Variants in BICRAL observed in about 807,000 individuals in gnomAD.
BICRAL encodes the protein BICRA like chromatin remodeling complex associated protein.
A neutral mutation model predicts 91.8 loss-of-function variants in BICRAL; 8 were observed. That is an observed-to-expected ratio of 0.09 (90% CI 0.05 to 0.16). The LOEUF (loss-of-function observed/expected upper bound fraction) is 0.16. Ranked by LOEUF, BICRAL falls within the 10% of genes least tolerant of loss-of-function variation. The pLI, the probability that BICRAL is intolerant of heterozygous loss-of-function variation, is 1.00. For missense variants in BICRAL, 1,038 were observed against 1,310.9 expected (o/e 0.79, Z 3.21); for synonymous variants, 445 against 491.1 (o/e 0.91, Z 1.24).
intron 2 of BICRAL, among the ~76,000 whole-genome samples, chr6:42,818,685 A>G (rs1428784480): frequency 3.3e-5 from 5 of 151,746 alleles, no homozygotes; most frequent in East Asian, 1.9e-4. Flanking sequence ...GAGTTATTCT[A>G]TTACTTTAAG....
intron 1 of BICRAL, among the ~76,000 whole-genome samples, chr6:42,754,552 T>G (rs12202031): frequency 0.11 from 16,491 of 152,264 alleles, 994 homozygotes; most frequent in Admixed American, 0.16. Flanking sequence ...ATACTCTTAC[T>G]ATGTGCAGTG....
rs140608307 is a variant in BICRAL at position 42,865,092 on chromosome 6, G to C, written c.2886G>C (p.Ser962=). The change falls in exon 13 of 13, where the codon TCG becomes TCC. Residue 962 remains serine (S), a synonymous_variant. Transcript: ENST00000314073. ...AACTGTCAAGCATCCTAGCAGATTC[G>C]CACTTGGAGATGACGTGTAACAATT... ...ESKLSSILAD[S]HLEMTCNNSF... The C allele has an allele frequency of 6.2e-6, 10 of 1,614,104 alleles. No homozygotes were observed. The African/African-American group carries it at 1.1e-4, about 17-fold the overall frequency.
At chr6:42,840,879 G>C (rs1764775384) in intron 6 of BICRAL, among the ~76,000 whole-genome samples, 1 of 151,442 alleles carries the variant, frequency 6.6e-6, no homozygotes, top group South Asian at 2.1e-4. Flanking sequence ...TTCAAGACTA[G>C]CGTGGCTAAC....
intron 1 of BICRAL, among the ~76,000 whole-genome samples, chr6:42,753,171 T>C (rs535563257): frequency 6.6e-6 from 1 of 151,436 alleles, no homozygotes; most frequent in Admixed American, 6.6e-5. Flanking sequence ...AGGTGATCCA[T>C]CCACCTCACC....
chr6:42,754,690 G>C (rs1395453719), intron 1 of BICRAL, among the ~76,000 whole-genome samples: 7 of 152,194 alleles, frequency 4.6e-5, no homozygotes, highest in Non-Finnish European at 8.8e-5. Flanking sequence ...CTAAGAGTTT[G>C]AGACCAGCCT....
chr6:42,766,732 G>A (rs551875012), intron 1 of BICRAL, among the ~76,000 whole-genome samples: 3 of 152,088 alleles, frequency 2.0e-5, no homozygotes, highest in African/African-American at 4.8e-5. Context: ...CGAGCTACTC[G>A]GGAGTCTGAA....
chr6:42,829,613 C>A lies in BICRAL; in HGVS notation c.1280C>A (p.Thr427Asn). ...ACTATAAATGGGCAACTTCTTCAAA[C>A]TCAACCCTCTCAGCTCATTTCTGGC... ...VQTINGQLLQTQPSQLISGQV... is the reference protein window; with the variant it reads ...VQTINGQLLQNQPSQLISGQV... The change falls in exon 6 of 13, where the codon ACT becomes AAT. Residue 427 changes from threonine (T) to asparagine (N), a missense_variant. Around this residue, in one of 5 missense-constraint regions of BICRAL, gnomAD observed 532 missense variants for 724.9 expected, o/e 0.73. Coordinates refer to ENST00000314073, the MANE Select transcript of BICRAL (RefSeq NM_001393499.1). 6.2e-7 allele frequency: 1 copy of A among 1,614,210 alleles called. No homozygotes were observed. The highest frequency in any genetic ancestry group is 8.5e-7 in the Non-Finnish European group (1 of 1,180,014).
intron 6 of BICRAL, among the ~76,000 whole-genome samples, chr6:42,837,107 G>C (rs1464165218): frequency 6.6e-6 from 1 of 151,526 alleles, no homozygotes; most frequent in Non-Finnish European, 1.5e-5. Context: ...ACCATGCCTG[G>C]CTAATTTTTT....
intron 6 of BICRAL, among the ~76,000 whole-genome samples, chr6:42,839,761 A>G (rs1331782337): frequency 6.6e-6 from 1 of 152,148 alleles, no homozygotes; most frequent in African/African-American, 2.4e-5. Context: ...TGATGCTTAA[A>G]TTGTCCCAAA....
In BICRAL at chr6:42,865,075, A is replaced by G. The variant is rs1298046061; in HGVS notation, c.2869A>G (p.Ser957Gly). 6.2e-7 allele frequency: 1 copy of G among 1,614,204 alleles called. No homozygotes were observed. Among genetic ancestry groups the G allele is most frequent in the Admixed American group, 1.7e-5 (1 of 60,024 alleles). Reference sequence around the variant, plus strand: ...TCATGGTACTGAGAGCAAACTGTCAAGCATCCTAGCAGATTCGCACTTGGA... The same window carrying G: ...TCATGGTACTGAGAGCAAACTGTCAGGCATCCTAGCAGATTCGCACTTGGA... ...SDHGTESKLS[S>G]ILADSHLEMT... The change falls in exon 13 of 13, where the codon AGC becomes GGC. Residue 957 changes from serine (S) to glycine (G), a missense_variant. Physicochemically the swap from Ser to Gly is moderately conservative, Grantham distance 56. Coordinates refer to ENST00000314073, the MANE Select transcript of BICRAL (RefSeq NM_001393499.1).
intron 1 of BICRAL, among the ~76,000 whole-genome samples, chr6:42,806,295 G>A (rs1562470916): frequency 6.6e-6 from 1 of 152,164 alleles, no homozygotes; most frequent in Non-Finnish European, 1.5e-5. Context: ...GGGGCAACTA[G>A]TAACCCAGAT....
intron 1 of BICRAL, among the ~76,000 whole-genome samples, chr6:42,808,095 G>A (rs904894164): frequency 1.1e-4 from 16 of 147,200 alleles, no homozygotes; most frequent in African/African-American, 4.0e-4. Context: ...AGACAAATAT[G>A]ATGAGATTCC....
At chr6:42,793,032 G>A (rs1763317909) in intron 1 of BICRAL, among the ~76,000 whole-genome samples, 1 of 146,588 alleles carries the variant, frequency 6.8e-6, no homozygotes, top group Non-Finnish European at 1.5e-5. Context: ...TCAGCTCACT[G>A]CAAACTCCAC....
chr6:42,866,921 C>T lies in BICRAL; in HGVS notation c.*1475C>T. 2 of 455,386 alleles carry T rather than the reference C, an allele frequency of 4.4e-6. No homozygotes were observed. The highest frequency in any genetic ancestry group is 3.1e-5 in the South Asian group (2 of 64,500). 28.2% of individuals were successfully genotyped at this position (455,386 alleles called of 1,614,324 possible). Reference sequence around the variant, plus strand: ...AGTATTTTTATGCACTCTTCTCCCACACATACACACACGTGCATGTATCTG... The same window carrying T: ...AGTATTTTTATGCACTCTTCTCCCATACATACACACACGTGCATGTATCTG... On this transcript the variant is annotated 3_prime_UTR_variant, in exon 13 of 13. Transcript: ENST00000314073.
intron 1 of BICRAL, among the ~76,000 whole-genome samples, chr6:42,793,614 T>A (rs1763339680): frequency 1.3e-5 from 2 of 151,844 alleles, no homozygotes; most frequent in Non-Finnish European, 2.9e-5. Flanking sequence ...TATTTTCCAT[T>A]TGTATTGTGA....
chr6:42,834,309 ATGT>A, intron 6 of BICRAL, among the ~76,000 whole-genome samples: 1 of 152,160 alleles, frequency 6.6e-6, no homozygotes, highest in East Asian at 1.9e-4. Flanking sequence ...CTTGCATAAG[ATGT>A]TGTCCTTCAG....
intron 1 of BICRAL, among the ~76,000 whole-genome samples, chr6:42,783,964 A>G (rs984463755): frequency 1.3e-5 from 2 of 152,120 alleles, no homozygotes; most frequent in South Asian, 2.1e-4. Flanking sequence ...ACCAGGTTAC[A>G]AAACTAAAAA....
At chr6:42,805,391 G>T (rs932580041) in intron 1 of BICRAL, among the ~76,000 whole-genome samples, 2 of 152,034 alleles carry the variant, frequency 1.3e-5, no homozygotes. Flanking sequence ...AAAAGTCTTT[G>T]TTTTCCACTT....
At chr6:42,847,867 C>T (rs1274886998) in intron 6 of BICRAL, among the ~76,000 whole-genome samples, 1 of 152,026 alleles carries the variant, frequency 6.6e-6, no homozygotes. Flanking sequence ...CGGTGGCTCA[C>T]GCCTGTAATC....
Sources: gnomAD v4.1 joint callset for allele counts (sites outside exome capture counted in the v4.1 genomes callset) on GRCh38, gnomAD v4.1.1 for gene constraint, gnomAD v4.1.1 regional missense constraint, MANE v1.5 for transcripts, NCBI Gene and HGNC (gene_info 2026-07-23, HGNC 2026-07-21) for gene names.